Variants in EMC1 observed in about 807,000 individuals in gnomAD.
EMC1 encodes KIAA0090.
Under a neutral mutation model 128.8 loss-of-function variants are expected in EMC1, and 103 were observed. That is an observed-to-expected ratio of 0.80 (90% CI 0.68 to 0.94). The LOEUF (loss-of-function observed/expected upper bound fraction) is 0.94, where lower values mean the gene tolerates loss of function less well. EMC1 is among the 40% of genes least tolerant of loss of function. The probability of loss-of-function intolerance (pLI) is 0.00; values close to 1 mark genes in which losing one functional copy is unlikely to be tolerated. For missense variants in EMC1, 1,083 were observed against 1,250.6 expected, an observed-to-expected ratio of 0.87 and a Z score of 2.02; for synonymous variants, 442 against 490.4, an observed-to-expected ratio of 0.90 and a Z score of 1.30.
intron 6 of EMC1, chr1:19,240,653 T>C: frequency 1.7e-6 from 1 of 592,238 alleles, no homozygotes; most frequent in Non-Finnish European, 3.0e-6. Context: ...AATATCAGGA[T>C]TTTCTTTCTG....
At chr1:19,224,036 C>T (rs371944708) in intron 18 of EMC1, among the ~76,000 whole-genome samples, 5 of 152,198 alleles carry the variant, frequency 3.3e-5, no homozygotes, top group African/African-American at 4.8e-5. Flanking sequence ...TACCACGTGA[C>T]GCAGGTGATC....
intron 4 of EMC1, 56 bp downstream of exon 4, chr1:19,243,558 C>A: frequency 6.7e-7 from 1 of 1,487,640 alleles, no homozygotes; most frequent in Non-Finnish European, 9.4e-7. Flanking sequence ...CTATGCAGAT[C>A]TGTGTTCCGG....
rs1198425587 is a variant in EMC1, at chr1:19,243,646, G to A, written c.348C>T (p.Gly116=). 1 of 1,613,954 alleles carries A rather than the reference G, an allele frequency of 6.2e-7. No individual in the cohort carries two copies. The highest frequency in any genetic ancestry group is 1.3e-5 in the African/African-American group (1 of 74,876). Residue 116 remains glycine, a synonymous_variant, in exon 4 of 23, where the codon GGC becomes GGT. Coordinates refer to ENST00000477853, the MANE Select transcript of EMC1 (RefSeq NM_015047.3). ...IMRSWETNIG[G]LNWEITLDSG... The stretch of plus-strand genomic sequence containing the variant: ...TGTCCAGGGTTATCTCCCAGTTCAG[G>A]CCCCCGATGTTAGTCTCCCAGGAAC...
At chr1:19,243,903 G>C (rs146541063) in intron 3 of EMC1, 47 bp downstream of exon 3, 2 of 1,599,456 alleles carry the variant, frequency 1.3e-6, no homozygotes, top group Middle Eastern at 1.7e-4. Context: ...CAAGGAATGG[G>C]ACAGGGAGCT....
chr1:19,221,728 C>T (rs1466691154), intron 20 of EMC1: 2 of 151,778 alleles, frequency 1.3e-5, no homozygotes, highest in Non-Finnish European at 2.9e-5. Flanking sequence ...AACACAGGAA[C>T]CTGTTAACCA....
rs566586916 is a variant in EMC1 at position 19,233,280 on chromosome 1, A to G, written c.1433-145T>C. 7.2e-6 allele frequency: 5 copies of G among 693,466 alleles called. No individual in the cohort carries two copies. In the East Asian group the frequency reaches 8.2e-5, roughly 11 times the overall value. The allele number at this position is 693,466 out of a possible 1,614,324, so 43.0% of individuals were successfully genotyped here. On this transcript the variant is annotated intron_variant, in intron 13 of 22. Transcript: ENST00000477853. ...CCACAAGCCCAAAGGGCAGTCCTGT[A>G]TCTGATGCCCAAAGTCTCACACTCA...
chr1:19,248,186 G>T (rs2093640466), intron 1 of EMC1, among the ~76,000 whole-genome samples: 1 of 152,062 alleles, frequency 6.6e-6, no homozygotes. Context: ...ATGTGTTTGT[G>T]TCTTAGTTTG....
rs2151958943 is a variant in EMC1, at chr1:19,240,436, G to A, written c.647C>T (p.Ser216Leu). 2 of 1,614,204 alleles carry A rather than the reference G, an allele frequency of 1.2e-6. No homozygotes were observed. The highest frequency in any genetic ancestry group is 1.3e-5 in the African/African-American group (1 of 75,066). Residue 216 changes from serine to leucine, a missense_variant, in exon 7 of 23, where the codon TCA becomes TTA. Ser to Leu is a moderately radical substitution (Grantham distance 145). This residue lies in a region of EMC1 where 544 missense variants were observed against 572.4 expected (regional missense o/e 0.95). Coordinates refer to ENST00000477853, the MANE Select transcript of EMC1 (RefSeq NM_015047.3). The part of the protein sequence containing the change: ...DGEIVQQVRV[S>L]TPWLQHLSGA... ...AGACAGGTGCTGCAGCCACGGAGTT[G>A]AAACCCTAACCTACAGAAAAGTCAT... is the stretch of plus-strand genomic sequence containing the variant.
chr1:19,232,934 A>G lies in EMC1; in HGVS notation c.1632+2T>C, dbSNP rs760060777. The G allele has an allele frequency of 6.2e-6, 10 of 1,613,766 alleles. No homozygotes were observed. The African/African-American group carries it at 1.3e-4, about 22-fold the overall frequency. On this transcript the variant is annotated splice_donor_variant, in intron 14 of 22. Transcript: ENST00000477853. LOFTEE classifies it high-confidence loss of function. ...AGTAACTGGAGCTTAAACCCCACTCACCTTGCCTGAGGCTGTTACCATCAC... is the reference window on the plus strand; with the variant it reads ...AGTAACTGGAGCTTAAACCCCACTCGCCTTGCCTGAGGCTGTTACCATCAC...
At chr1:19,221,119 G>T in intron 20 of EMC1, 1 of 265,918 alleles carries the variant, frequency 3.8e-6, no homozygotes, top group Non-Finnish European at 7.2e-6. Flanking sequence ...AGAGAAAAAT[G>T]TAGAAGGCCA....
Position 19,243,693 on chromosome 1 carries a change from A to G in EMC1, c.301T>C (p.Ser101Pro). The G allele has an allele frequency of 6.2e-7, 1 of 1,614,190 alleles. No individual in the cohort carries two copies. The highest frequency in any genetic ancestry group is 1.1e-5 in the South Asian group (1 of 91,074). ...GAACGCATGATTCGGCCTCCATTGGACACAGTGATCACATCTGGAAAAGAA... is the reference window on the plus strand; with the variant it reads ...GAACGCATGATTCGGCCTCCATTGGGCACAGTGATCACATCTGGAAAAGAA... ...LLHGQDVITV[S>P]NGGRIMRSWE... Residue 101 changes from serine (S) to proline (P), a missense_variant, in exon 4 of 23, where the codon TCC becomes CCC. Around this residue, in one of 3 missense-constraint regions of EMC1, gnomAD observed 544 missense variants for 572.4 expected, o/e 0.95. Transcript: ENST00000477853.
At chr1:19,219,734 C>T (rs1449847718) in intron 21 of EMC1, 36 bp from the exon 22 acceptor site, 4 of 1,613,456 alleles carry the variant, frequency 2.5e-6, no homozygotes, top group Non-Finnish European at 3.4e-6. Context: ...AGTCTGAGCA[C>T]TGCTGTAAAG....
chr1:19,242,692 G>C (rs1252314412), intron 4 of EMC1, among the ~76,000 whole-genome samples: 1 of 152,200 alleles, frequency 6.6e-6, no homozygotes, highest in African/African-American at 2.4e-5. Flanking sequence ...GAAACCATCT[G>C]TATCTCCTAA....
chr1:19,233,674 T>C (rs2093541479), intron 13 of EMC1, among the ~76,000 whole-genome samples: 1 of 152,190 alleles, frequency 6.6e-6, no homozygotes, highest in Admixed American at 6.5e-5. Context: ...ATTCCGTCAA[T>C]GAAGCCACTG....
At chr1:19,232,513 T>G (rs1298876304) in intron 15 of EMC1, 111 bp downstream of exon 15, 2 of 1,229,190 alleles carry the variant, frequency 1.6e-6, no homozygotes, top group Non-Finnish European at 2.3e-6. Context: ...TTCTAACCCC[T>G]GAATGTTCCT....
chr1:19,227,961 T>C (rs1308337274), intron 17 of EMC1, among the ~76,000 whole-genome samples: 1 of 152,164 alleles, frequency 6.6e-6, no homozygotes, highest in East Asian at 1.9e-4. Context: ...ATCCCAGCAC[T>C]TCGGGAGGCC....
Position 19,230,916 on chromosome 1 carries a change from C to T in EMC1, c.1992G>A (p.Glu664=), listed in dbSNP as rs778645777. The T allele has an allele frequency of 1.1e-5, 17 of 1,614,204 alleles. No homozygotes were observed. The highest frequency in any genetic ancestry group is 1.3e-5 in the African/African-American group (1 of 75,064). Reference sequence around the variant, plus strand: ...AATAGAAGAAGATGGAAGGGGCAAGCTCATGTAGCTGTCGCAAGACATTCC... The same window carrying T: ...AATAGAAGAAGATGGAAGGGGCAAGTTCATGTAGCTGTCGCAAGACATTCC... ...ATRNVLRQLH[E]LAPSIFFYLV... Residue 664 remains glutamate (E), a synonymous_variant, in exon 17 of 23, where the codon GAG becomes GAA. Transcript: ENST00000477853.
chr1:19,236,991 A>AT, intron 12 of EMC1, 151 bp downstream of exon 12: 1 of 495,362 alleles, frequency 2.0e-6, no homozygotes, highest in Non-Finnish European at 3.6e-6. Flanking sequence ...AAAAAAAAAA[A>AT]GCAGGTGACA....
rs888141172 is a variant in EMC1, at chr1:19,243,986, C to A, written c.250G>T (p.Glu84Ter). The change falls in exon 3 of 23, where the codon GAA (glutamate) becomes TAA (stop). Residue 84 changes from glutamate to a stop codon, truncating the protein, a stop_gained. Coordinates refer to ENST00000477853, the MANE Select transcript of EMC1 (RefSeq NM_015047.3). LOFTEE classifies it high-confidence loss of function. ...AGCAGCATGGCATCCACAGCCCCTT[C>A]TGCCGTGCCCTTGTCAACATGGCGC... The part of the protein sequence containing the change: ...LWRHVDKGTA[E>*]GAVDAMLLHG... The A allele has an allele frequency of 6.2e-7, 1 of 1,614,052 alleles. No homozygotes were observed. Among genetic ancestry groups the A allele is most frequent in the Admixed American group, 1.7e-5 (1 of 60,008 alleles).
Sources: gnomAD v4.1 joint callset for allele counts (sites outside exome capture counted in the v4.1 genomes callset) on GRCh38, gnomAD v4.1.1 for gene constraint, gnomAD v4.1.1 regional missense constraint, MANE v1.5 for transcripts, NCBI Gene and HGNC (gene_info 2026-07-23, HGNC 2026-07-21) for gene names.